TDRD1: variants seen among roughly 807,000 people sequenced by gnomAD.
TDRD1 encodes the protein tudor domain-containing protein 1.
A neutral mutation model predicts 140.6 loss-of-function variants in TDRD1; 37 were observed. The observed-to-expected ratio is 0.26, with a 90% CI of 0.20 to 0.35. The LOEUF (loss-of-function observed/expected upper bound fraction) is 0.35, where lower values mean the gene tolerates loss of function less well. Ranked by LOEUF, TDRD1 falls within the 10% of genes least tolerant of loss-of-function variation. The pLI, the probability that TDRD1 is intolerant of heterozygous loss-of-function variation, is 1.00. For missense variants in TDRD1, 1,243 were observed against 1,393.0 expected, an observed-to-expected ratio of 0.89 and a Z score of 1.71; for synonymous variants, 506 against 475.7, an observed-to-expected ratio of 1.06 and a Z score of -0.83.
exon 19 of TDRD1, chr10:114,220,635 G>A (rs144322420): frequency 5.6e-6 from 9 of 1,613,464 alleles, no homozygotes; most frequent in African/African-American, 1.3e-5. Context: ...GTGTTGCTGG[G>A]ATAAAATTGC....
chr10:114,215,177 G>T (rs916539481), intron 16 of TDRD1, among the ~76,000 whole-genome samples: 10 of 152,174 alleles, frequency 6.6e-5, no homozygotes. Flanking sequence ...CCTGCACTGT[G>T]AGATTGTTAC....
At chr10:114,224,516 T>G (rs1379871285) in intron 21 of TDRD1, among the ~76,000 whole-genome samples, 1 of 152,188 alleles carries the variant, frequency 6.6e-6, no homozygotes, top group Non-Finnish European at 1.5e-5. Flanking sequence ...TTTTCTGTTC[T>G]GTTAGGAGCT....
intron 3 of TDRD1, among the ~76,000 whole-genome samples, chr10:114,192,291 C>A (rs12767272): frequency 0.23 from 24,634 of 105,604 alleles, 3,039 homozygotes; most frequent in Middle Eastern, 0.29. Flanking sequence ...TGATAGTTTT[C>A]CTTTTTTTTT....
intron 2 of TDRD1, 47 bp downstream of exon 2, chr10:114,188,203 T>C: frequency 6.6e-7 from 1 of 1,506,770 alleles, no homozygotes; most frequent in South Asian, 1.3e-5. Context: ...TCATGGTTTC[T>C]GTGACTTACC....
intron 1 of TDRD1, among the ~76,000 whole-genome samples, chr10:114,183,700 C>CTTTT (rs374468967): frequency 3.1e-5 from 4 of 129,638 alleles, no homozygotes; most frequent in Admixed American, 7.9e-5. Flanking sequence ...TCACAGTTAA[C>CTTTT]TTTTTTTTTT....
intron 2 of TDRD1, among the ~76,000 whole-genome samples, chr10:114,188,739 C>T (rs1237023213): frequency 6.6e-6 from 1 of 152,106 alleles, no homozygotes; most frequent in Non-Finnish European, 1.5e-5. Flanking sequence ...AGCCTGTAGT[C>T]CCAGCTACTT....
intron 10 of TDRD1, among the ~76,000 whole-genome samples, chr10:114,205,480 T>A (rs1193481740): frequency 6.6e-6 from 1 of 152,228 alleles, no homozygotes; most frequent in Non-Finnish European, 1.5e-5. Context: ...TTGCTATGTT[T>A]CATGTTACAA....
At chr10:114,202,954 C>CT (rs1358095635) in intron 6 of TDRD1, 118 bp from the exon 7 acceptor site, 3 of 709,206 alleles carry the variant, frequency 4.2e-6, no homozygotes, top group African/African-American at 1.8e-5. Context: ...TTTCTGTGTT[C>CT]TTTTGTTCAA....
At chr10:114,211,147 G>A (rs1234175077) in intron 13 of TDRD1, among the ~76,000 whole-genome samples, 180 bp downstream of exon 13, 2 of 152,174 alleles carry the variant, frequency 1.3e-5, no homozygotes, top group African/African-American at 2.4e-5. Flanking sequence ...TGAAAGGAGT[G>A]TGGTCTGACC....
At chr10:114,205,003 C>CAA in intron 10 of TDRD1, 110 bp downstream of exon 10, 1 of 923,528 alleles carries the variant, frequency 1.1e-6, no homozygotes. Context: ...CCTCTGGAGT[C>CAA]ATTCAGATTG....
At position 114,202,520 on chromosome 10, in the gene TDRD1, A is replaced by G. The variant is rs555646652; in HGVS notation, c.696+222A>G. On this transcript the variant is annotated intron_variant, in intron 6 of 25. Coordinates refer to ENST00000251864, the Ensembl canonical transcript of TDRD1. Reference sequence around the variant, plus strand: ...AGTATCTCAGTGTAAAATCATGTGGATTAATCATGCCTCTGAAGGCACAGG... The same window carrying G: ...AGTATCTCAGTGTAAAATCATGTGGGTTAATCATGCCTCTGAAGGCACAGG... 2.0e-3 allele frequency among the ~76,000 whole-genome samples: 304 copies of G among 152,308 alleles called. 1 individual carries two copies. The highest frequency in any genetic ancestry group is 3.5e-3 in the Non-Finnish European group (235 of 68,028).
intron 11 of TDRD1, among the ~76,000 whole-genome samples, chr10:114,207,867 G>T (rs2035228117): frequency 6.6e-6 from 1 of 151,918 alleles, no homozygotes; most frequent in Non-Finnish European, 1.5e-5. Flanking sequence ...CACTGTGAAG[G>T]TGCCTTCATG....
chr10:114,212,374 C>T (rs1016289525), intron 14 of TDRD1, among the ~76,000 whole-genome samples: 36 of 152,156 alleles, frequency 2.4e-4, no homozygotes, highest in African/African-American at 7.7e-4. Context: ...TGGAACAGGT[C>T]AGTAAGTCTC....
At chr10:114,229,015 G>A (rs981586643) in intron 25 of TDRD1, among the ~76,000 whole-genome samples, 6 of 152,066 alleles carry the variant, frequency 3.9e-5, no homozygotes, top group African/African-American at 1.2e-4. Flanking sequence ...TCCAGGAGGC[G>A]GCGGTTGCAG....
At chr10:114,198,325 G>T (rs1376406627) in intron 3 of TDRD1, among the ~76,000 whole-genome samples, 1 of 152,188 alleles carries the variant, frequency 6.6e-6, no homozygotes, top group African/African-American at 2.4e-5. Context: ...CGGGGTGGTG[G>T]CACCTCATTG....
intron 18 of TDRD1, among the ~76,000 whole-genome samples, chr10:114,220,339 G>T (rs2036065064): frequency 6.6e-6 from 1 of 152,178 alleles, no homozygotes; most frequent in Admixed American, 6.5e-5. Context: ...AGATATGTTA[G>T]CAGAGAACGT....
chr10:114,205,176 A>G (rs2035018740), intron 10 of TDRD1, among the ~76,000 whole-genome samples: 1 of 152,184 alleles, frequency 6.6e-6, no homozygotes. Context: ...TTATTGAGAA[A>G]ATTCTTGAAG....
chr10:114,206,221 A>T, intron 10 of TDRD1, 23 bp from the exon 11 acceptor site: 1 of 1,565,136 alleles, frequency 6.4e-7, no homozygotes, highest in Non-Finnish European at 8.8e-7. Flanking sequence ...CAATGGAGGC[A>T]TATTTTCTTA....
At chr10:114,213,940 TCCA>T in intron 15 of TDRD1, 34 bp from the exon 16 acceptor site, 1 of 1,611,258 alleles carries the variant, frequency 6.2e-7, no homozygotes, top group Non-Finnish European at 8.5e-7. Context: ...ACATCCCTCC[TCCA>T]CTATGTCCAT....
Sources: gnomAD v4.1 joint callset for allele counts (sites outside exome capture counted in the v4.1 genomes callset) on GRCh38, gnomAD v4.1.1 for gene constraint, MANE v1.5 for transcripts, NCBI Gene and HGNC (gene_info 2026-07-23, HGNC 2026-07-21) for gene names.